SMURF1: variants seen among roughly 807,000 people sequenced by gnomAD.
The protein encoded by SMURF1 is SMAD specific E3 ubiquitin protein ligase 1.
SMURF1 carries 44 observed loss-of-function variants against 98.0 expected under a neutral mutation model. The observed-to-expected ratio is 0.45, with a 90% CI of 0.35 to 0.58. The LOEUF (loss-of-function observed/expected upper bound fraction) is 0.58. SMURF1 is among the 20% of genes least tolerant of loss of function. The pLI is 0.00. For synonymous variants in SMURF1, 396 were observed against 374.9 expected (o/e 1.06, Z -0.65); for missense variants, 687 against 938.4 (o/e 0.73, Z 3.50).
At chr7:99,070,661 T>A (rs1015134997) in intron 1 of SMURF1, among the ~76,000 whole-genome samples, 3 of 151,844 alleles carry the variant, frequency 2.0e-5, no homozygotes, top group Non-Finnish European at 4.4e-5. Flanking sequence ...TTTTTTTTTT[T>A]AACTGTGTAG....
intron 10 of SMURF1, among the ~76,000 whole-genome samples, chr7:99,047,020 T>A (rs375092124): frequency 6.6e-6 from 1 of 152,152 alleles, no homozygotes; most frequent in African/African-American, 2.4e-5. Context: ...TTTCTGACAG[T>A]GTCTCCACAA....
intron 17 of SMURF1, 156 bp downstream of exon 17, chr7:99,032,878 TCTC>T (rs1794963441): frequency 3.2e-6 from 3 of 944,486 alleles, no homozygotes; most frequent in Non-Finnish European, 4.9e-6. Context: ...CTCTAGAATT[TCTC>T]CTTCTGTCTC....
chr7:99,048,206 G>A (rs1795644489), intron 9 of SMURF1: 1 of 293,606 alleles, frequency 3.4e-6, no homozygotes, highest in Non-Finnish European at 6.7e-6. Context: ...TGGACAACAT[G>A]GTGAAACCCG....
chr7:99,049,891 A>T (rs1795704192), intron 8 of SMURF1, 182 bp from the exon 9 acceptor site: 1 of 498,690 alleles, frequency 2.0e-6, no homozygotes, highest in Non-Finnish European at 3.4e-6. Context: ...CTCTGCTGCA[A>T]ACAGCAGCAA....
intron 3 of SMURF1, among the ~76,000 whole-genome samples, chr7:99,059,314 C>T (rs1466492823): frequency 1.1e-4 from 16 of 146,568 alleles, no homozygotes; most frequent in Admixed American, 6.8e-5. Context: ...AGGAGAATGG[C>T]GTGAACCCGG....
chr7:99,137,124 C>T (rs867871521), intron 1 of SMURF1, among the ~76,000 whole-genome samples: 2 of 151,964 alleles, frequency 1.3e-5, no homozygotes, highest in African/African-American at 4.8e-5. Flanking sequence ...GTTTATTAAC[C>T]GGTTCTATAG....
At chr7:99,117,950 G>A (rs993068323) in intron 1 of SMURF1, among the ~76,000 whole-genome samples, 2 of 151,950 alleles carry the variant, frequency 1.3e-5, no homozygotes, top group Non-Finnish European at 2.9e-5. Context: ...TTTCTCTAAG[G>A]AAGATATACA....
intron 3 of SMURF1, 50 bp from the exon 4 acceptor site, chr7:99,057,601 TTTTG>T: frequency 2.1e-6 from 3 of 1,444,994 alleles, no homozygotes; most frequent in Non-Finnish European, 1.8e-6. Context: ...GTTTTTTTTG[TTTTG>T]TTTTTTTTTT....
intron 1 of SMURF1, among the ~76,000 whole-genome samples, chr7:99,104,974 A>C (rs1284723732): frequency 6.6e-6 from 1 of 152,136 alleles, no homozygotes; most frequent in East Asian, 1.9e-4. Flanking sequence ...CCTTCCAATT[A>C]ATTTTCTTAA....
intron 1 of SMURF1, among the ~76,000 whole-genome samples, chr7:99,104,043 C>T (rs775116346): frequency 6.6e-6 from 1 of 151,956 alleles, no homozygotes; most frequent in Admixed American, 6.6e-5. Flanking sequence ...TGCGTCACCA[C>T]GCCTGGGTAA....
In SMURF1 at chr7:99,059,414, AAATAAAATAAAATAAAAT is replaced by A. The variant is rs1795973825; in HGVS notation, c.203+1167_203+1184del. Among the ~76,000 whole-genome samples the A allele has an allele frequency of 1.1e-4, 6 of 52,690 alleles. No homozygotes were observed. The East Asian group carries it at 2.2e-3, about 19-fold the overall frequency. 34.6% of individuals were successfully genotyped at this position (52,690 alleles called of 152,430 possible). ...CTCCATCTCAAAAAAAAATAAAATA[AAATAAAATAAAATAAAAT>A]AAAATAAAATAAAATAAAATAAAAT... On this transcript the variant is annotated intron_variant, in intron 3 of 17. Coordinates refer to ENST00000361368, the MANE Select transcript of SMURF1 (RefSeq NM_181349.3).
At chr7:99,040,810 G>A (rs2150509010) in intron 12 of SMURF1, among the ~76,000 whole-genome samples, 1 of 152,350 alleles carries the variant, frequency 6.6e-6, no homozygotes, top group East Asian at 1.9e-4. Context: ...ATAACTGGCA[G>A]AGGAGCCCCG....
intron 1 of SMURF1, among the ~76,000 whole-genome samples, chr7:99,078,631 G>C (rs551916211): frequency 6.6e-6 from 1 of 152,066 alleles, no homozygotes; most frequent in Non-Finnish European, 1.5e-5. Context: ...CCTTAGCTCC[G>C]CCTCCTGTCA....
intron 12 of SMURF1, 143 bp from the exon 13 acceptor site, chr7:99,040,699 G>C (rs1316085721): frequency 1.1e-5 from 8 of 702,394 alleles, no homozygotes; most frequent in Non-Finnish European, 1.6e-5. Context: ...CCCCGCTCCT[G>C]AACAAGTGAA....
At chr7:99,061,174 C>T (rs1171787705) in intron 2 of SMURF1, among the ~76,000 whole-genome samples, 2 of 152,184 alleles carry the variant, frequency 1.3e-5, no homozygotes, top group Non-Finnish European at 2.9e-5. Flanking sequence ...ACACGAGCCA[C>T]CATGCTGGAG....
At chr7:99,033,400 T>C (rs954397492) in intron 16 of SMURF1, among the ~76,000 whole-genome samples, 4 of 152,240 alleles carry the variant, frequency 2.6e-5, no homozygotes, top group Non-Finnish European at 4.4e-5. Context: ...AACATCTGAC[T>C]GCCGGGTTCA....
rs372439335 is a variant in SMURF1 at position 99,107,077 on chromosome 7, A to C, written c.55+36649T>G. On this transcript the variant is annotated intron_variant, in intron 1 of 17. Transcript: ENST00000361368. ...GTCACCAGAAGGAACAAGATTGAACAAAGATGACTCACTGCCCTTAGCACC... is the reference window on the plus strand; with the variant it reads ...GTCACCAGAAGGAACAAGATTGAACCAAGATGACTCACTGCCCTTAGCACC... 1.1e-4 allele frequency among the ~76,000 whole-genome samples: 16 copies of C among 152,358 alleles called. No individual in the cohort carries two copies. In the South Asian group the frequency reaches 3.1e-3, roughly 30 times the overall value.
chr7:99,073,919 A>G (rs563039453), intron 1 of SMURF1, among the ~76,000 whole-genome samples: 1 of 152,300 alleles, frequency 6.6e-6, no homozygotes, highest in South Asian at 2.1e-4. Context: ...GTACTGTTTG[A>G]TTGTACTCAG....
At chr7:99,116,568 G>A (rs973819380) in intron 1 of SMURF1, among the ~76,000 whole-genome samples, 2 of 152,042 alleles carry the variant, frequency 1.3e-5, no homozygotes, top group African/African-American at 4.8e-5. Flanking sequence ...CAATATACCA[G>A]CAATGACAAT....
Sources: gnomAD v4.1 joint callset for allele counts (sites outside exome capture counted in the v4.1 genomes callset) on GRCh38, gnomAD v4.1.1 for gene constraint, MANE v1.5 for transcripts, NCBI Gene and HGNC (gene_info 2026-07-23, HGNC 2026-07-21) for gene names.